TK2: variants seen among roughly 807,000 people sequenced by gnomAD.
TK2 encodes the protein thymidine kinase 2.
TK2 carries 35 observed loss-of-function variants against 41.9 expected under a neutral mutation model. That is an observed-to-expected ratio of 0.84 (90% confidence interval 0.64 to 1.11). The LOEUF (loss-of-function observed/expected upper bound fraction) is 1.11, where lower values mean the gene tolerates loss of function less well. Ranked by LOEUF, TK2 falls within the 50% of genes least tolerant of loss-of-function variation. The probability of loss-of-function intolerance (pLI) is 0.00; values close to 1 mark genes in which losing one functional copy is unlikely to be tolerated. For missense variants in TK2, 320 were observed against 351.1 expected (o/e 0.91, Z 0.71); for synonymous variants, 128 against 129.1 (o/e 0.99, Z 0.06).
chr16:66,517,147 C>G lies in TK2; in HGVS notation c.607G>C (p.Val203Leu). The G allele has an allele frequency of 6.2e-7, 1 of 1,614,174 alleles. No individual in the cohort carries two copies. The highest frequency in any genetic ancestry group is 1.1e-5 in the South Asian group (1 of 91,088). ...AAGAGGCCTCTTACCAGCGGAATGACCTTCTCCTCTTCCCTGCATCTCTTC... is the reference window on the plus strand; with the variant it reads ...AAGAGGCCTCTTACCAGCGGAATGAGCTTCTCCTCTTCCCTGCATCTCTTC... ...LKKRCREEEKVIPLEYLEAIH... is the reference protein window; with the variant it reads ...LKKRCREEEKLIPLEYLEAIH... Residue 203 changes from valine to leucine, a missense_variant, in exon 8 of 10, where the codon GTC (valine) becomes CTC (leucine). Transcript: ENST00000544898. The surrounding 1 kb of genome is among the most constrained non-coding windows in gnomAD (Gnocchi z 4.3).
chr16:66,535,129 C>G (rs549794077), intron 4 of TK2, among the ~76,000 whole-genome samples: 1 of 152,164 alleles, frequency 6.6e-6, no homozygotes, highest in South Asian at 2.1e-4. Flanking sequence ...GCCTGATGGC[C>G]GCAGAAACAG....
rs1964347320 is a variant in TK2, at chr16:66,508,161, A to G, written c.*3807T>C. ...AAGAAAAAAAAAGAAAAGACACAGAAAGAAATTCAAGACAGCTTCTGTGGA... is the reference window on the plus strand; with the variant it reads ...AAGAAAAAAAAAGAAAAGACACAGAGAGAAATTCAAGACAGCTTCTGTGGA... On this transcript the variant is annotated 3_prime_UTR_variant, in exon 10 of 10. Coordinates refer to ENST00000544898, the MANE Select transcript of TK2 (RefSeq NM_004614.5). The G allele has an allele frequency of 6.6e-6, 1 of 152,258 alleles. No homozygotes were observed. Among genetic ancestry groups the G allele is most frequent in the Admixed American group, 6.5e-5 (1 of 15,290 alleles). The allele number at this position is 152,258 out of a possible 1,614,324, so 9.4% of individuals were successfully genotyped here. A position where few individuals can be genotyped will look rare whatever the true frequency, so the allele number is the denominator to read the frequency against.
intron 9 of TK2, among the ~76,000 whole-genome samples, chr16:66,512,539 TG>T (rs764395047): frequency 9.2e-5 from 14 of 152,216 alleles, no homozygotes; most frequent in Non-Finnish European, 1.5e-4. Context: ...CCCAGAATTT[TG>T]GGAGGCCGAG....
intron 8 of TK2, among the ~76,000 whole-genome samples, chr16:66,516,833 C>G (rs372657122): frequency 2.0e-5 from 3 of 151,948 alleles, no homozygotes; most frequent in Non-Finnish European, 4.4e-5. Flanking sequence ...GGAGGCAGAA[C>G]AGACAAGCCC....
intron 6 of TK2, among the ~76,000 whole-genome samples, chr16:66,528,415 C>A (rs964558840): frequency 1.3e-5 from 2 of 152,142 alleles, no homozygotes; most frequent in African/African-American, 4.8e-5. Context: ...ACAACAAATG[C>A]GACGCACACT....
chr16:66,520,612 C>T (rs1331856482), intron 6 of TK2, among the ~76,000 whole-genome samples: 1 of 152,190 alleles, frequency 6.6e-6, no homozygotes, highest in East Asian at 1.9e-4. Context: ...CTCCAACCAG[C>T]GAGTGAGAAG....
At chr16:66,526,802 G>C (rs146136798) in intron 6 of TK2, among the ~76,000 whole-genome samples, 1 of 152,166 alleles carries the variant, frequency 6.6e-6, no homozygotes, top group Non-Finnish European at 1.5e-5. Context: ...AACAGGCCAA[G>C]CTGAATGTGA....
At chr16:66,545,446 A>T (rs1407781935) in intron 2 of TK2, among the ~76,000 whole-genome samples, 1 of 152,236 alleles carries the variant, frequency 6.6e-6, no homozygotes, top group Non-Finnish European at 1.5e-5. Context: ...AACAAAGTGC[A>T]CTACAGCCAC....
chr16:66,529,123 G>A (rs1304776942), intron 5 of TK2, 56 bp from the exon 6 acceptor site: 15 of 1,549,816 alleles, frequency 9.7e-6, no homozygotes, highest in African/African-American at 2.7e-5. Context: ...ACAGCCAGGA[G>A]GCCTTGAGAA....
intron 3 of TK2, among the ~76,000 whole-genome samples, chr16:66,538,099 G>C (rs1387733699): frequency 6.6e-6 from 1 of 152,072 alleles, no homozygotes; most frequent in African/African-American, 2.4e-5. Context: ...GGAGGCAAAG[G>C]TTGCAGTGAG....
chr16:66,509,517 AT>A lies in TK2; in HGVS notation c.*2450del, dbSNP rs1429332903. On this transcript the variant is annotated 3_prime_UTR_variant, in exon 10 of 10. Transcript: ENST00000544898. ...TAAATAAAAGCTGAAATAAATGCTA[AT>A]TGAAAGAAAATGTATATGTGCAACA... 5 of 152,258 alleles carry A rather than the reference AT, an allele frequency of 3.3e-5. No individual in the cohort carries two copies. The highest frequency in any genetic ancestry group is 7.3e-5 in the Non-Finnish European group (5 of 68,048). The allele number at this position is 152,258 out of a possible 1,614,324, so 9.4% of individuals were successfully genotyped here. A position where few individuals can be genotyped will look rare whatever the true frequency, so the allele number is the denominator to read the frequency against.
rs9924955 is a variant in TK2, at chr16:66,514,516, A to G, written c.619-705T>C. ...TGCCTTGGCCTCCCAAAGTGCCGAG[A>G]TTGCAGCCTCTGCCCGGCTGCCACC... is the stretch of plus-strand genomic sequence containing the variant. On this transcript the variant is annotated intron_variant, in intron 8 of 9. Transcript: ENST00000544898. This position sits in a 1 kb window ranked among gnomAD's most constrained non-coding sequence, Gnocchi z 4.2. Among the ~76,000 whole-genome samples, 10,266 of 152,194 alleles carry G rather than the reference A, an allele frequency of 0.067. 1,144 individuals carry two copies. Among genetic ancestry groups the G allele is most frequent in the African/African-American group, 0.23 (9,681 of 41,488 alleles).
chr16:66,537,086 G>A (rs929307374), intron 3 of TK2, 69 bp from the exon 4 acceptor site: 36 of 1,594,264 alleles, frequency 2.3e-5, no homozygotes, highest in Non-Finnish European at 2.9e-5. Flanking sequence ...TGTAAGTGTT[G>A]AGGGGAAAGT....
rs1399807011 is a variant in TK2, at chr16:66,510,669, C to T, written c.*1299G>A. 6.6e-6 allele frequency: 1 copy of T among 152,238 alleles called. No individual in the cohort carries two copies. The highest frequency in any genetic ancestry group is 1.5e-5 in the Non-Finnish European group (1 of 68,058). 9.4% of individuals were successfully genotyped at this position (152,238 alleles called of 1,614,324 possible). On this transcript the variant is annotated 3_prime_UTR_variant, in exon 10 of 10. Coordinates refer to ENST00000544898, the MANE Select transcript of TK2 (RefSeq NM_004614.5). The stretch of plus-strand genomic sequence containing the variant: ...TGTGGCCTGTTTCTCCAGAGTTGAG[C>T]CTTAATCCTTTCCAGGGTTTGCATC...
chr16:66,526,971 C>T (rs1262003137), intron 6 of TK2, among the ~76,000 whole-genome samples: 1 of 152,220 alleles, frequency 6.6e-6, no homozygotes, highest in Non-Finnish European at 1.5e-5. Flanking sequence ...TTGCAACCTC[C>T]GCCTCGGGTT....
Position 66,517,044 on chromosome 16 carries a change from T to A in TK2, c.618+92A>T, listed in dbSNP as rs1442342051. ...TCTCTCTCTGCAAACAAGGGCACAA[T>A]GATCTCATGGGGGTGGGGCCGGGAG... On this transcript the variant is annotated intron_variant, in intron 8 of 9. Transcript: ENST00000544898. This position sits in a 1 kb window ranked among gnomAD's most constrained non-coding sequence, Gnocchi z 4.3. 1 of 1,078,702 alleles carries A rather than the reference T, an allele frequency of 9.3e-7. No homozygotes were observed. Among genetic ancestry groups the A allele is most frequent in the Non-Finnish European group, 1.4e-6 (1 of 692,756 alleles). The allele number at this position is 1,078,702 out of a possible 1,614,324, so 66.8% of individuals were successfully genotyped here. A position where few individuals can be genotyped will look rare whatever the true frequency, so the allele number is the denominator to read the frequency against.
chr16:66,535,987 G>C (rs1031357271), intron 4 of TK2, among the ~76,000 whole-genome samples: 30 of 152,060 alleles, frequency 2.0e-4, no homozygotes, highest in African/African-American at 7.0e-4. Flanking sequence ...GGTGGCTCAT[G>C]AGGGTCAGGA....
At position 66,550,024 on chromosome 16, in the gene TK2, G is replaced by A. The variant is rs748987291; in HGVS notation, c.38C>T (p.Ala13Val). 9 of 1,548,454 alleles carry A rather than the reference G, an allele frequency of 5.8e-6. No individual in the cohort carries two copies. The Admixed American group carries it at 1.4e-4, about 24-fold the overall frequency. The change falls in exon 1 of 10, where the codon GCG (alanine) becomes GTG (valine). Residue 13 changes from alanine (A) to valine (V), a missense_variant. Transcript: ENST00000544898. Reference protein sequence around the residue: ...LWPLRGWAARALRCFGPGSRG... With the variant: ...LWPLRGWAARVLRCFGPGSRG... ...ACTTCCCGGCCCAAAGCAGCGCAGC[G>A]CCCGGGCGGCCCAGCCCCGCAGCGG...
rs780542157 is a variant in TK2, at chr16:66,536,930, A to G, written c.285+34T>C. On this transcript the variant is annotated intron_variant, in intron 4 of 9. Transcript: ENST00000544898. ...CATCATTCTCAGGTGCTTAAGGGGA[A>G]GCCGGGGGTTCATGCAACCAACAAC... 7.4e-6 allele frequency: 12 copies of G among 1,613,858 alleles called. No individual in the cohort carries two copies. In the Admixed American group the frequency reaches 1.2e-4, roughly 16 times the overall value.
Sources: allele counts gnomAD v4.1 joint callset (sites outside exome capture counted in the v4.1 genomes callset), GRCh38; gene constraint gnomAD v4.1.1; non-coding constraint Gnocchi (gnomAD v3.1); transcripts MANE v1.5; gene names NCBI Gene and HGNC (gene_info 2026-07-23, HGNC 2026-07-21).